DNAH8: variants seen among roughly 807,000 people sequenced by gnomAD.
DNAH8 encodes dynein axonemal heavy chain 8.
DNAH8 carries 382 observed loss-of-function variants against 562.1 expected under a neutral mutation model. That is an observed-to-expected ratio of 0.68 (90% CI 0.63 to 0.74). DNAH8 has a LOEUF of 0.74. DNAH8 is among the 30% of genes least tolerant of loss of function. The pLI is 0.00. For synonymous variants in DNAH8, 1,881 were observed against 1,919.4 expected (o/e 0.98, Z 0.52); for missense variants, 5,203 against 5,620.4 (o/e 0.93, Z 2.37).
chr6:38,863,885 C>T lies in DNAH8; in HGVS notation c.6323C>T (p.Ser2108Leu), dbSNP rs769531980. Residue 2108 changes from serine (S) to leucine (L), a missense_variant, in exon 45 of 93, where the codon TCG (serine) becomes TTG (leucine). Around this residue, in one of 6 missense-constraint regions of DNAH8, gnomAD observed 2,176 missense variants for 2,365.1 expected, o/e 0.92. Transcript: ENST00000327475. ...TTTTTCATGCCAGGTCTTGCACAGT[C>T]GGGTTCCTGGGGCTGTTTTGATGAG... ...LGRIFKGLAQSGSWGCFDEFN... is the reference protein window; with the variant it reads ...LGRIFKGLAQLGSWGCFDEFN... 5 of 1,595,238 alleles carry T rather than the reference C, an allele frequency of 3.1e-6. No individual in the cohort carries two copies. The highest frequency in any genetic ancestry group is 1.7e-4 in the Middle Eastern group (1 of 6,012).
In DNAH8 at chr6:38,789,895, T is replaced by A; in HGVS notation, c.2664+12T>A. ...CAAAAATGAAAAAGGTTGGTATTGC[T>A]GAAGGTTTGTATTGATTTTCCTGTT... On this transcript the variant is annotated intron_variant, in intron 19 of 92. Coordinates refer to ENST00000327475, the MANE Select transcript of DNAH8 (RefSeq NM_001206927.2). 1 of 1,588,466 alleles carries A rather than the reference T, an allele frequency of 6.3e-7. No individual in the cohort carries two copies. Among genetic ancestry groups the A allele is most frequent in the Non-Finnish European group, 8.6e-7 (1 of 1,158,566 alleles).
Position 38,929,677 on chromosome 6 carries a change from T to TAAAAAAAAAAAAAAAAAAA in DNAH8, c.11274+26_11274+27insAAAAAAAAAAAAAAAAAAA. ...GGCACCACTTTCAAGGTGAGCTTTGTAAAAAAAAAAAAAAAGAAAGAAAGA... is the reference window on the plus strand; with the variant it reads ...GGCACCACTTTCAAGGTGAGCTTTGTAAAAAAAAAAAAAAAAAAAAAAAAAAAAAAAAAAGAAAGAAAGA... On this transcript the variant is annotated intron_variant, in intron 75 of 92. Coordinates refer to ENST00000327475, the MANE Select transcript of DNAH8 (RefSeq NM_001206927.2). 1.8e-6 allele frequency: 2 copies of TAAAAAAAAAAAAAAAAAAA among 1,097,538 alleles called. No homozygotes were observed. The highest frequency in any genetic ancestry group is 2.3e-6 in the Non-Finnish European group (2 of 852,806). The allele number at this position is 1,097,538 out of a possible 1,614,324, so 68.0% of individuals were successfully genotyped here.
At chr6:38,757,542 A>G in intron 10 of DNAH8, among the ~76,000 whole-genome samples, 1 of 151,966 alleles carries the variant, frequency 6.6e-6, no homozygotes, top group Non-Finnish European at 1.5e-5. Flanking sequence ...CCCATTTGTC[A>G]ATTTTGGCTT....
intron 68 of DNAH8, among the ~76,000 whole-genome samples, chr6:38,916,682 T>C (rs1781334362): frequency 1.3e-5 from 2 of 152,166 alleles, no homozygotes; most frequent in South Asian, 2.1e-4. Context: ...TCTTAGAACA[T>C]GTTATTGATC....
Position 38,880,459 on chromosome 6 carries a change from A to G in DNAH8, c.7859-2451A>G, listed in dbSNP as rs150959012. On this transcript the variant is annotated intron_variant, in intron 53 of 92. Coordinates refer to ENST00000327475, the MANE Select transcript of DNAH8 (RefSeq NM_001206927.2). ...TCTAGCCAGTGCGATGGGGGGAAAAATCTCTTTTGCTGTTTAAAAGTCACT... is the reference window on the plus strand; with the variant it reads ...TCTAGCCAGTGCGATGGGGGGAAAAGTCTCTTTTGCTGTTTAAAAGTCACT... Among the ~76,000 whole-genome samples, 181 of 152,174 alleles carry G rather than the reference A, an allele frequency of 1.2e-3. 2 individuals carry two copies. Among genetic ancestry groups the G allele is most frequent in the African/African-American group, 4.0e-3 (166 of 41,492 alleles).
At chr6:38,989,269 A>C (rs1248923558) in intron 87 of DNAH8, among the ~76,000 whole-genome samples, 1 of 152,222 alleles carries the variant, frequency 6.6e-6, no homozygotes, top group East Asian at 1.9e-4. Flanking sequence ...CCCCACTGGG[A>C]AAATTGCTGT....
chr6:38,747,825 A>G (rs1765090518), intron 8 of DNAH8, among the ~76,000 whole-genome samples: 1 of 152,196 alleles, frequency 6.6e-6, no homozygotes, highest in Non-Finnish European at 1.5e-5. Context: ...TTTTTTCTCC[A>G]AAATACCAAA....
Position 38,809,436 on chromosome 6 carries a change from A to T in DNAH8, c.3257+1720A>T, listed in dbSNP as rs180962354. On this transcript the variant is annotated intron_variant, in intron 24 of 92. Transcript: ENST00000327475. ...TATGCTTAGTGTGAGGTAGCAAATT[A>T]ATATATTTTTTTCCATATGGTTAAT... Among the ~76,000 whole-genome samples the T allele has an allele frequency of 1.4e-3, 220 of 152,282 alleles. 1 individual carries two copies. Among genetic ancestry groups the T allele is most frequent in the African/African-American group, 5.0e-3 (207 of 41,560 alleles).
intron 85 of DNAH8, among the ~76,000 whole-genome samples, chr6:38,974,751 T>C (rs749361764): frequency 1.3e-5 from 2 of 152,184 alleles, no homozygotes; most frequent in Non-Finnish European, 2.9e-5. Flanking sequence ...TGTAAGATTC[T>C]CCAGGGTGAA....
intron 3 of DNAH8, among the ~76,000 whole-genome samples, chr6:38,727,196 T>A (rs1763298380): frequency 6.6e-6 from 1 of 152,062 alleles, no homozygotes; most frequent in African/African-American, 2.4e-5. Flanking sequence ...TGGCATGCAA[T>A]CCAGGATGAA....
intron 8 of DNAH8, chr6:38,744,347 T>G (rs1368174610): frequency 6.6e-6 from 1 of 152,132 alleles, no homozygotes; most frequent in African/African-American, 2.4e-5. Context: ...GCATAGCCAC[T>G]GCACTCCAGG....
At position 38,730,428 on chromosome 6, in the gene DNAH8, T is replaced by C. The variant is rs146415435; in HGVS notation, c.610+442T>C. On this transcript the variant is annotated intron_variant, in intron 4 of 92. Coordinates refer to ENST00000327475, the MANE Select transcript of DNAH8 (RefSeq NM_001206927.2). ...CTGTGCATATTATGCCTGAACTAAT[T>C]AACATGCTACCAGCTTGTTAAAACT... Among the ~76,000 whole-genome samples, 17 of 152,318 alleles carry C rather than the reference T, an allele frequency of 1.1e-4. No individual in the cohort carries two copies. The East Asian group carries it at 3.1e-3, about 28-fold the overall frequency.
Position 38,921,437 on chromosome 6 carries a change from G to C in DNAH8, c.10593G>C (p.Leu3531=), listed in dbSNP as rs1290783007. The C allele has an allele frequency of 6.2e-7, 1 of 1,613,838 alleles. No homozygotes were observed. Among genetic ancestry groups the C allele is most frequent in the South Asian group, 1.1e-5 (1 of 91,054 alleles). Residue 3531 remains leucine (L), a synonymous_variant, in exon 71 of 93, where the codon CTG becomes CTC. Transcript: ENST00000327475. ...CTGAGTTAGGGAAGGCACAAGCCCT[G>C]CTGGATGAGAAGCAAGCTGAGCTGG... ...ANAELGKAQA[L]LDEKQAELDK...
intron 35 of DNAH8, among the ~76,000 whole-genome samples, chr6:38,843,785 C>G (rs538741241): frequency 6.6e-6 from 1 of 151,990 alleles, no homozygotes; most frequent in Admixed American, 6.6e-5. Context: ...TGGGAGGACT[C>G]ATTTTGAATG....
intron 53 of DNAH8, among the ~76,000 whole-genome samples, chr6:38,881,917 TC>T (rs1289191402): frequency 6.6e-6 from 1 of 152,194 alleles, no homozygotes; most frequent in Admixed American, 6.5e-5. Context: ...TTTGGTCTTT[TC>T]CGTCTTTTCA....
intron 91 of DNAH8, among the ~76,000 whole-genome samples, chr6:39,024,967 G>C (rs1368395653): frequency 6.6e-6 from 1 of 152,122 alleles, no homozygotes; most frequent in Non-Finnish European, 1.5e-5. Flanking sequence ...TCCTATTTTA[G>C]TGGGCACTCC....
Position 38,984,273 on chromosome 6 carries a change from A to C in DNAH8, c.13019A>C (p.Asp4340Ala). The C allele has an allele frequency of 6.2e-7, 1 of 1,610,364 alleles. No individual in the cohort carries two copies. Among genetic ancestry groups the C allele is most frequent in the Non-Finnish European group, 8.5e-7 (1 of 1,176,564 alleles). The change falls in exon 87 of 93, where the codon GAC becomes GCC. Residue 4340 changes from aspartate (D) to alanine (A), a missense_variant. This residue lies in a region of DNAH8 where 1,399 missense variants were observed against 1,518.4 expected (regional missense o/e 0.92). Transcript: ENST00000327475. ...EVQYGGRVTD[D>A]FDKRLLNCFA... is the part of the protein sequence containing the mutation. ...CAATATGGAGGCAGAGTGACAGATG[A>C]CTTTGACAAACGTCTACTTAATTGC...
In DNAH8 at chr6:38,780,071, T is replaced by A; in HGVS notation, c.2139+6T>A. The A allele has an allele frequency of 1.2e-6, 2 of 1,612,186 alleles. No individual in the cohort carries two copies. The highest frequency in any genetic ancestry group is 8.5e-7 in the Non-Finnish European group (1 of 1,178,822). ...AACTTGATGCTACTAAGAAGGCAAGTGTCATGTTTATAAATAAAATGGTAC... is the reference window on the plus strand; with the variant it reads ...AACTTGATGCTACTAAGAAGGCAAGAGTCATGTTTATAAATAAAATGGTAC... On this transcript the variant is annotated splice_donor_region_variant and intron_variant, in intron 15 of 92. Transcript: ENST00000327475.
intron 3 of DNAH8, 76 bp downstream of exon 3, chr6:38,723,547 AAAC>A: frequency 6.9e-7 from 1 of 1,439,688 alleles, no homozygotes; most frequent in Non-Finnish European, 9.1e-7. Context: ...GAGTTGTCAT[AAAC>A]AGCAACAACA....
Sources: gnomAD v4.1 joint callset for allele counts (sites outside exome capture counted in the v4.1 genomes callset) on GRCh38, gnomAD v4.1.1 for gene constraint, gnomAD v4.1.1 regional missense constraint, MANE v1.5 for transcripts, NCBI Gene and HGNC (gene_info 2026-07-23, HGNC 2026-07-21) for gene names.